IGF1: variants seen among roughly 807,000 people sequenced by gnomAD.
IGF1 encodes insulin-like growth factor 1.
IGF1 carries 4 observed loss-of-function variants against 13.8 expected under a neutral mutation model. The ratio of observed to expected loss-of-function variants is 0.29; its 90% CI spans 0.14 to 0.66. The LOEUF (loss-of-function observed/expected upper bound fraction) is 0.66. IGF1 is among the 30% of genes least tolerant of loss of function. The pLI, the probability that IGF1 is intolerant of heterozygous loss-of-function variation, is 0.78. For missense variants in IGF1, 124 were observed against 188.5 expected, an observed-to-expected ratio of 0.66 and a Z score of 2.00; for synonymous variants, 76 against 72.6, an observed-to-expected ratio of 1.05 and a Z score of -0.23.
At chr12:102,425,125 T>TA (rs1369492947) in intron 2 of IGF1, among the ~76,000 whole-genome samples, 1 of 152,208 alleles carries the variant, frequency 6.6e-6, no homozygotes, top group Admixed American at 6.5e-5. Flanking sequence ...TTAGGATTTT[T>TA]AAAAAAGATT....
intron 2 of IGF1, among the ~76,000 whole-genome samples, chr12:102,467,051 C>A (rs1209730041): frequency 6.6e-6 from 1 of 152,072 alleles, no homozygotes; most frequent in Non-Finnish European, 1.5e-5. Flanking sequence ...TGCTCCTTTC[C>A]CCAGTTTTAC....
chr12:102,419,559 C>T lies in IGF1; in HGVS notation c.352G>A (p.Ala118Thr), dbSNP rs151098426. Residue 118 changes from alanine (A) to threonine (T), a missense_variant, in exon 3 of 4, where the codon GCT (alanine) becomes ACT (threonine). Ala to Thr is a moderately conservative substitution (Grantham distance 58). Coordinates refer to ENST00000337514, the MANE Select transcript of IGF1 (RefSeq NM_000618.5). ...TGGCGCTGGGCACGGACAGAGCGAG[C>T]TGACTTGGCAGGCTTGAGGGGTGCG... is the stretch of plus-strand genomic sequence containing the variant. ...YCAPLKPAKS[A>T]RSVRAQRHTD... The T allele has an allele frequency of 1.3e-3, 2,171 of 1,613,924 alleles. 2 individuals carry two copies. The highest frequency in any genetic ancestry group is 1.7e-3 in the Non-Finnish European group (1,994 of 1,180,010).
At chr12:102,447,424 A>G (rs558202078) in intron 2 of IGF1, among the ~76,000 whole-genome samples, 5 of 152,282 alleles carry the variant, frequency 3.3e-5, no homozygotes, top group South Asian at 2.1e-4. Context: ...TTGGGTGCAT[A>G]TATATTTAGG....
chr12:102,432,621 T>A (rs963360435), intron 2 of IGF1, among the ~76,000 whole-genome samples: 1 of 152,204 alleles, frequency 6.6e-6, no homozygotes, highest in Non-Finnish European at 1.5e-5. Flanking sequence ...TGAACCAATT[T>A]CTGTTTTCAA....
chr12:102,458,224 T>C (rs567589354), intron 2 of IGF1, among the ~76,000 whole-genome samples: 1 of 152,272 alleles, frequency 6.6e-6, no homozygotes, highest in Admixed American at 6.5e-5. Flanking sequence ...TCTGTTTCAT[T>C]TTTTCTAGCG....
chr12:102,451,191 G>A (rs1211929936), intron 2 of IGF1, among the ~76,000 whole-genome samples: 1 of 152,172 alleles, frequency 6.6e-6, no homozygotes, highest in African/African-American at 2.4e-5. Context: ...TAGACCAATT[G>A]ACTCCTGGAT....
At chr12:102,441,902 C>CGCTGCTGCTGCT (rs1326074639) in intron 2 of IGF1, among the ~76,000 whole-genome samples, 9 of 25,070 alleles carry the variant, frequency 3.6e-4, no homozygotes, top group Non-Finnish European at 1.7e-4. Flanking sequence ...CATTCTATTA[C>CGCTGCTGCTGCT]ACTGCTTCTT....
chr12:102,477,758 C>G (rs747590905), intron 1 of IGF1, among the ~76,000 whole-genome samples: 2 of 152,006 alleles, frequency 1.3e-5, no homozygotes, highest in Non-Finnish European at 2.9e-5. Context: ...TTCTTTGTTG[C>G]GTTCATAGCA....
intron 3 of IGF1, chr12:102,417,503 T>G: frequency 1.0e-6 from 1 of 973,676 alleles, no homozygotes; most frequent in Non-Finnish European, 1.2e-6. Flanking sequence ...TTTATTTAAA[T>G]TCTTTTATTT....
At chr12:102,436,714 T>A (rs1310212648) in intron 2 of IGF1, among the ~76,000 whole-genome samples, 1 of 152,222 alleles carries the variant, frequency 6.6e-6, no homozygotes, top group Non-Finnish European at 1.5e-5. Flanking sequence ...TATAATTTTT[T>A]ATTTATCAGT....
At chr12:102,421,606 CTATA>C (rs1875727974) in intron 2 of IGF1, among the ~76,000 whole-genome samples, 1 of 152,122 alleles carries the variant, frequency 6.6e-6, no homozygotes, top group African/African-American at 2.4e-5. Context: ...TTTGTTGAAA[CTATA>C]AATTTCCTAA....
At chr12:102,406,296 G>A (rs5742691) in intron 3 of IGF1, among the ~76,000 whole-genome samples, 1,606 of 152,318 alleles carry the variant, frequency 0.011, 19 homozygotes, top group African/African-American at 0.037. Context: ...TTGACAATGG[G>A]CGGCAAGTGG....
chr12:102,422,513 A>G (rs1260556760), intron 2 of IGF1, among the ~76,000 whole-genome samples: 2 of 152,204 alleles, frequency 1.3e-5, no homozygotes, highest in Non-Finnish European at 2.9e-5. Flanking sequence ...ATTTCTCGCC[A>G]ATTGAAAGAT....
intron 1 of IGF1, among the ~76,000 whole-genome samples, chr12:102,479,848 T>C (rs1358081897): frequency 6.6e-6 from 1 of 152,068 alleles, no homozygotes; most frequent in Non-Finnish European, 1.5e-5. Context: ...AATACAACCC[T>C]TCATATATAG....
chr12:102,449,691 G>A (rs937919860), intron 2 of IGF1, among the ~76,000 whole-genome samples: 1 of 144,100 alleles, frequency 6.9e-6, no homozygotes, highest in Non-Finnish European at 1.5e-5. Context: ...GGGACATCCT[G>A]AGAGAGGCCT....
At chr12:102,476,303 C>T (rs180842686) in intron 1 of IGF1, among the ~76,000 whole-genome samples, 2 of 152,140 alleles carry the variant, frequency 1.3e-5, no homozygotes, top group East Asian at 3.9e-4. Context: ...TTAACCAAAA[C>T]ATCATTCCCT....
rs1220405203 is a variant in IGF1, at chr12:102,399,894, G to A, written c.*2613C>T. 1 of 152,220 alleles carries A rather than the reference G, an allele frequency of 6.6e-6. No homozygotes were observed. The highest frequency in any genetic ancestry group is 2.4e-5 in the African/African-American group (1 of 41,454). The allele number at this position is 152,220 out of a possible 1,614,324, so 9.4% of individuals were successfully genotyped here. ...ATAAAAAGAAGTGCCATCTTGGGAA[G>A]AGGAGTCCAGTATCTTATTCCACAG... On this transcript the variant is annotated 3_prime_UTR_variant, in exon 4 of 4. Transcript: ENST00000337514.
chr12:102,435,100 T>C (rs1462412861), intron 2 of IGF1, among the ~76,000 whole-genome samples: 1 of 152,254 alleles, frequency 6.6e-6, no homozygotes, highest in East Asian at 1.9e-4. Flanking sequence ...ATGTTATAAG[T>C]GATCCAGAGA....
At chr12:102,439,786 A>G (rs953393833) in intron 2 of IGF1, among the ~76,000 whole-genome samples, 3 of 152,142 alleles carry the variant, frequency 2.0e-5, no homozygotes, top group Admixed American at 1.3e-4. Flanking sequence ...AGAAAAGGCT[A>G]AGAAGTGACT....
Sources: gnomAD v4.1 joint callset for allele counts (sites outside exome capture counted in the v4.1 genomes callset) on GRCh38, gnomAD v4.1.1 for gene constraint, MANE v1.5 for transcripts, NCBI Gene and HGNC (gene_info 2026-07-23, HGNC 2026-07-21) for gene names.